Variants in KLC3 observed in about 807,000 individuals in gnomAD.
KLC3 encodes the protein kinesin light chain 3.
A neutral mutation model predicts 62.9 loss-of-function variants in KLC3; 72 were observed. The ratio of observed to expected loss-of-function variants is 1.15; its 90% CI spans 0.95 to 1.39. The LOEUF (loss-of-function observed/expected upper bound fraction) is 1.39. Ranked by LOEUF, KLC3 falls within the 40% of genes most tolerant of loss-of-function variation. The probability of loss-of-function intolerance (pLI) is 0.00; values close to 1 mark genes in which losing one functional copy is unlikely to be tolerated. For synonymous variants in KLC3, 377 were observed against 300.5 expected, an observed-to-expected ratio of 1.25 and a Z score of -2.63; for missense variants, 848 against 691.6, an observed-to-expected ratio of 1.23 and a Z score of -2.54.
chr19:45,341,776 C>T (rs866525564), intron 1 of KLC3, among the ~76,000 whole-genome samples: 7 of 134,808 alleles, frequency 5.2e-5, no homozygotes, highest in African/African-American at 1.6e-4. Context: ...GCCGTGTGTG[C>T]GTGTGTGTGT....
chr19:45,340,922 C>G (rs1971380233), intron 1 of KLC3, 76 bp downstream of exon 1: 1 of 152,232 alleles, frequency 6.6e-6, no homozygotes, highest in Non-Finnish European at 1.5e-5. Context: ...TGGGCCCGCT[C>G]GCCCTGAGAC....
intron 1 of KLC3, among the ~76,000 whole-genome samples, chr19:45,341,594 G>C (rs1971397937): frequency 8.8e-6 from 1 of 113,808 alleles, no homozygotes; most frequent in Non-Finnish European, 2.0e-5. Flanking sequence ...CGCGCGTGTG[G>C]TGGACAGTGT....
rs763220618 is a variant in KLC3, at chr19:45,348,123, G to A, written c.742G>A (p.Val248Met). The A allele has an allele frequency of 9.4e-6, 15 of 1,600,592 alleles. No individual in the cohort carries two copies. The highest frequency in any genetic ancestry group is 3.4e-5 in the Admixed American group (2 of 58,532). ...ERSSGHCHPDVATMLNILALV... is the reference protein window; with the variant it reads ...ERSSGHCHPDMATMLNILALV... ...CAGCTCGGGCCACTGCCACCCTGAC[G>A]TGGCCACCATGCTCAACATCCTGGC... is the stretch of plus-strand genomic sequence containing the variant. Residue 248 changes from valine to methionine, a missense_variant, in exon 5 of 13, where the codon GTG (valine) becomes ATG (methionine). By Grantham distance (21) the Val-to-Met change is conservative. Coordinates refer to ENST00000391946, the MANE Select transcript of KLC3 (RefSeq NM_177417.3).
intron 4 of KLC3, 75 bp downstream of exon 4, chr19:45,347,591 A>T: frequency 7.3e-7 from 1 of 1,365,926 alleles, no homozygotes; most frequent in South Asian, 1.3e-5. Flanking sequence ...CAGGACCCCA[A>T]AATCTCTGAG....
chr19:45,350,769 A>C, intron 11 of KLC3, 22 bp downstream of exon 11: 3 of 1,594,680 alleles, frequency 1.9e-6, no homozygotes, highest in Non-Finnish European at 2.6e-6. Context: ...TCAGGTCGGC[A>C]AAGAGCCCTG....
Position 45,350,415 on chromosome 19 carries a change from C to A in KLC3, c.1218C>A (p.Asp406Glu). 1 of 1,613,682 alleles carries A rather than the reference C, an allele frequency of 6.2e-7. No individual in the cohort carries two copies. The highest frequency in any genetic ancestry group is 8.5e-7 in the Non-Finnish European group (1 of 1,179,698). Residue 406 changes from aspartate to glutamate, a missense_variant, in exon 9 of 13, where the codon GAC becomes GAA. Physicochemically the swap from Asp to Glu is conservative, Grantham distance 45. Transcript: ENST00000391946. ...ACAAAGAAATCCTCCACAAGGAGGACCTACCCGCCCCTCTCGGTGAGCCCC... is the reference window on the plus strand; with the variant it reads ...ACAAAGAAATCCTCCACAAGGAGGAACTACCCGCCCCTCTCGGTGAGCCCC... Reference protein sequence around the residue: ...ELYKEILHKEDLPAPLGAPNT... With the variant: ...ELYKEILHKEELPAPLGAPNT...
intron 5 of KLC3, 77 bp from the exon 6 acceptor site, chr19:45,348,569 G>T: frequency 7.1e-7 from 1 of 1,408,598 alleles, no homozygotes; most frequent in Non-Finnish European, 9.8e-7. Flanking sequence ...GGGCCTGTCA[G>T]GATTGGCCCA....
intron 7 of KLC3, 136 bp from the exon 8 acceptor site, chr19:45,349,293 T>G: frequency 1.2e-6 from 1 of 860,588 alleles, no homozygotes; most frequent in Non-Finnish European, 1.8e-6. Flanking sequence ...ATAACTTGTG[T>G]CCCCAGCCCC....
chr19:45,350,797 A>C (rs768889397), intron 11 of KLC3, 50 bp downstream of exon 11: 8 of 1,452,404 alleles, frequency 5.5e-6, no homozygotes, highest in African/African-American at 1.4e-5. Context: ...CAGAATCCAC[A>C]GCCCACCCCA....
rs1460173030 is a variant in KLC3 at position 45,351,308 on chromosome 19, A to G, written c.1466A>G (p.Lys489Arg). The G allele has an allele frequency of 6.2e-7, 1 of 1,612,604 alleles. No individual in the cohort carries two copies. Among genetic ancestry groups the G allele is most frequent in the African/African-American group, 1.3e-5 (1 of 75,010 alleles). The change falls in exon 13 of 13, where the codon AAG becomes AGG. Residue 489 changes from lysine (K) to arginine (R), a missense_variant. Coordinates refer to ENST00000391946, the MANE Select transcript of KLC3 (RefSeq NM_177417.3). Reference protein sequence around the residue: ...GTQFPSWHLDKAPRTLSASTQ... With the variant: ...GTQFPSWHLDRAPRTLSASTQ... ...CAGTTTCCCAGCTGGCACCTGGACAAGGCCCCTCGGACCCTCAGCGCCAGC... is the reference window on the plus strand; with the variant it reads ...CAGTTTCCCAGCTGGCACCTGGACAGGGCCCCTCGGACCCTCAGCGCCAGC...
In KLC3 at chr19:45,345,609, T is replaced by TGGTGCGGCA. The variant is rs768200973; in HGVS notation, c.70_78dup (p.Val24_Gln26dup). 1 of 1,579,112 alleles carries TGGTGCGGCA rather than the reference T, an allele frequency of 6.3e-7. No homozygotes were observed. Among genetic ancestry groups the TGGTGCGGCA allele is most frequent in the South Asian group, 1.2e-5 (1 of 85,998 alleles). On this transcript the variant is annotated inframe_insertion, in exon 2 of 13. Coordinates refer to ENST00000391946, the MANE Select transcript of KLC3 (RefSeq NM_177417.3). Reference sequence around the variant, plus strand: ...CCAGAGCGCCTGAGCCCTGAGGAGCTGGTGCGGCAGACGCGGCAAGTGGTC... The same window carrying TGGTGCGGCA: ...CCAGAGCGCCTGAGCCCTGAGGAGCTGGTGCGGCAGGTGCGGCAGACGCGGCAAGTGGTC...
rs751789013 is a variant in KLC3 at position 45,348,749 on chromosome 19, G to A, written c.867+16G>A. ...GCACCCCGCGGTGAGTGGGGCCCCAGGGAGACGAAGTGGGGTCAAAGTGGG... is the reference window on the plus strand; with the variant it reads ...GCACCCCGCGGTGAGTGGGGCCCCAAGGAGACGAAGTGGGGTCAAAGTGGG... On this transcript the variant is annotated intron_variant, in intron 6 of 12. Transcript: ENST00000391946. The A allele has an allele frequency of 6.4e-7, 1 of 1,572,506 alleles. No homozygotes were observed. The highest frequency in any genetic ancestry group is 8.6e-7 in the Non-Finnish European group (1 of 1,158,824).
intron 6 of KLC3, 32 bp from the exon 7 acceptor site, chr19:45,348,788 A>AT: frequency 6.4e-7 from 1 of 1,562,528 alleles, no homozygotes. Context: ...ACACCTGCCC[A>AT]TCCCTGACCT....
At position 45,347,496 on chromosome 19, in the gene KLC3, G is replaced by A. The variant is rs1219640708; in HGVS notation, c.539G>A (p.Ser180Asn). 5 of 1,612,898 alleles carry A rather than the reference G, an allele frequency of 3.1e-6. No individual in the cohort carries two copies. Among genetic ancestry groups the A allele is most frequent in the Non-Finnish European group, 3.4e-6 (4 of 1,179,446 alleles). ...RRDSLASLFP[S>N]EEEERKGPEA... Reference sequence around the variant, plus strand: ...GACAGCCTGGCCTCCCTGTTCCCCAGCGAGGAGGAGGAGAGGAAAGGTGGG... The same window carrying A: ...GACAGCCTGGCCTCCCTGTTCCCCAACGAGGAGGAGGAGAGGAAAGGTGGG... Residue 180 changes from serine (S) to asparagine (N), a missense_variant, in exon 4 of 13, where the codon AGC (serine) becomes AAC (asparagine). Transcript: ENST00000391946.
chr19:45,350,570 T>C lies in KLC3; in HGVS notation c.1272+19T>C, dbSNP rs758698292. On this transcript the variant is annotated intron_variant, in intron 10 of 12. Coordinates refer to ENST00000391946, the MANE Select transcript of KLC3 (RefSeq NM_177417.3). ...AGAACAGGTGAGGATGGGCTGTGCT[T>C]CGGCTCCTGGGGTGGGCGTGGGGAC... is the stretch of plus-strand genomic sequence containing the variant. 4.3e-6 allele frequency: 7 copies of C among 1,613,662 alleles called. No individual in the cohort carries two copies. The highest frequency in any genetic ancestry group is 3.3e-5 in the Admixed American group (2 of 59,974).
rs1292422175 is a variant in KLC3, at chr19:45,347,000, C to T, written c.489+226C>T. 40 of 518,238 alleles carry T rather than the reference C, an allele frequency of 7.7e-5. 1 individual carries two copies. Among genetic ancestry groups the T allele is most frequent in the Middle Eastern group, 5.0e-4 (1 of 2,008 alleles). The allele number at this position is 518,238 out of a possible 1,614,324, so 32.1% of individuals were successfully genotyped here. ...GCTACTCCACGAAGCCCCCGAGCCT[C>T]GCCAGACCCCCAGGGGGCCTCTGAC... On this transcript the variant is annotated intron_variant, in intron 3 of 12. Transcript: ENST00000391946.
At chr19:45,345,343 TGGCTGGGATGGGTGTGGA>T in intron 1 of KLC3, 173 bp from the exon 2 acceptor site, 1 of 702,858 alleles carries the variant, frequency 1.4e-6, no homozygotes, top group Non-Finnish European at 2.4e-6. Flanking sequence ...AGATGAGAGC[TGGCTGGGATGGGTGTGGA>T]GACTGGGATG....
At chr19:45,343,242 G>A (rs960128946) in intron 1 of KLC3, among the ~76,000 whole-genome samples, 8 of 152,184 alleles carry the variant, frequency 5.3e-5, no homozygotes, top group South Asian at 2.1e-4. Context: ...TCACGGTCAA[G>A]TGCAAGGAGA....
chr19:45,350,305 G>A (rs1433540496), intron 8 of KLC3, 36 bp from the exon 9 acceptor site: 2 of 1,549,810 alleles, frequency 1.3e-6, no homozygotes, highest in Admixed American at 1.7e-5. Flanking sequence ...TGGGAACTGG[G>A]GTCCGAAAAG....
Sources: gnomAD v4.1 joint callset for allele counts (sites outside exome capture counted in the v4.1 genomes callset) on GRCh38, gnomAD v4.1.1 for gene constraint, MANE v1.5 for transcripts, NCBI Gene and HGNC (gene_info 2026-07-23, HGNC 2026-07-21) for gene names.